Variants in ADAMTSL1 observed in about 807,000 individuals in gnomAD.
ADAMTSL1 encodes the protein ADAMTS-like protein 1.
In ADAMTSL1, 126 loss-of-function variants were observed where a neutral mutation model predicts 201.8. The observed-to-expected ratio is 0.62, with a 90% confidence interval of 0.54 to 0.72. The LOEUF is 0.72. Ranked by LOEUF, ADAMTSL1 falls within the 30% of genes least tolerant of loss-of-function variation. ADAMTSL1 has a pLI of 0.00. For synonymous variants in ADAMTSL1, 1,121 were observed against 903.4 expected, an observed-to-expected ratio of 1.24 and a Z score of -4.32; for missense variants, 2,679 against 2,277.8, an observed-to-expected ratio of 1.18 and a Z score of -3.59.
intron 2 of ADAMTSL1, among the ~76,000 whole-genome samples, chr9:18,426,669 C>T (rs757692394): frequency 6.6e-6 from 1 of 152,028 alleles, no homozygotes; most frequent in Non-Finnish European, 1.5e-5. Context: ...AGGGACATAG[C>T]TCTGAGCCCG....
chr9:18,128,603 G>A (rs1825830860), intron 1 of ADAMTSL1, among the ~76,000 whole-genome samples: 1 of 152,094 alleles, frequency 6.6e-6, no homozygotes, highest in Non-Finnish European at 1.5e-5. Context: ...GAGCCACAGT[G>A]CCTGGCCCGA....
chr9:17,950,409 C>T (rs1315007742), intron 1 of ADAMTSL1, among the ~76,000 whole-genome samples: 8 of 151,896 alleles, frequency 5.3e-5, no homozygotes. Context: ...TTTCCAAATC[C>T]TATTCCCATC....
At chr9:18,586,157 T>C (rs906399537) in intron 4 of ADAMTSL1, among the ~76,000 whole-genome samples, 1 of 152,196 alleles carries the variant, frequency 6.6e-6, no homozygotes, top group African/African-American at 2.4e-5. Flanking sequence ...CTATCTCTGT[T>C]TGCAGACAAC....
intron 2 of ADAMTSL1, among the ~76,000 whole-genome samples, chr9:18,292,431 G>A (rs1296884442): frequency 1.3e-5 from 2 of 152,150 alleles, no homozygotes; most frequent in African/African-American, 4.8e-5. Context: ...GATTAATATT[G>A]AGCGTCAACT....
At chr9:18,780,821 T>C (rs1238493033) in intron 19 of ADAMTSL1, among the ~76,000 whole-genome samples, 5 of 152,222 alleles carry the variant, frequency 3.3e-5, no homozygotes, top group Admixed American at 2.6e-4. Flanking sequence ...CTATATTACC[T>C]TTTTTAACAG....
chr9:18,880,127 C>A (rs1284397482), intron 23 of ADAMTSL1, among the ~76,000 whole-genome samples: 2 of 152,172 alleles, frequency 1.3e-5, no homozygotes, highest in East Asian at 3.8e-4. Flanking sequence ...CTTGTTATTT[C>A]TACCACATCT....
intron 2 of ADAMTSL1, among the ~76,000 whole-genome samples, chr9:18,178,636 C>T (rs1587239528): frequency 6.6e-6 from 1 of 151,350 alleles, no homozygotes; most frequent in Non-Finnish European, 1.5e-5. Context: ...TGTCTGACAG[C>T]TTTGAAGAGA....
At chr9:18,639,122 T>G in intron 6 of ADAMTSL1, 132 bp from the exon 7 acceptor site, 1 of 802,270 alleles carries the variant, frequency 1.2e-6, no homozygotes, top group Non-Finnish European at 2.0e-6. Flanking sequence ...ATATCACAAT[T>G]TCAATTTTGT....
chr9:18,064,954 A>ATTTTTTTT lies in ADAMTSL1; in HGVS notation c.88-98881_88-98874dup, dbSNP rs563021690. Among the ~76,000 whole-genome samples the ATTTTTTTT allele has an allele frequency of 5.7e-4, 39 of 69,008 alleles. 1 individual carries two copies. The highest frequency in any genetic ancestry group is 1.5e-3 in the South Asian group (2 of 1,308). The allele number at this position is 69,008 out of a possible 152,430, so 45.3% of individuals were successfully genotyped here. On this transcript the variant is annotated intron_variant, in intron 1 of 29. Transcript: ENST00000680146. ...ATTCAGAAAGCAGTATTTGCTAAAG[A>ATTTTTTTT]TTTTTTTTTTTTTTTTTTTTTTTTT...
intron 13 of ADAMTSL1, among the ~76,000 whole-genome samples, chr9:18,692,047 T>C (rs1222047451): frequency 6.6e-6 from 1 of 152,188 alleles, no homozygotes; most frequent in Non-Finnish European, 1.5e-5. Flanking sequence ...CAACAATATT[T>C]AACTCAAAAC....
chr9:18,107,908 C>A (rs1024595360), intron 1 of ADAMTSL1, among the ~76,000 whole-genome samples: 2 of 152,114 alleles, frequency 1.3e-5, no homozygotes, highest in Middle Eastern at 3.2e-3. Context: ...CGTGCTGAGC[C>A]CTCCAGCACA....
chr9:18,244,243 A>G (rs1587385813), intron 2 of ADAMTSL1, among the ~76,000 whole-genome samples: 1 of 152,194 alleles, frequency 6.6e-6, no homozygotes, highest in East Asian at 1.9e-4. Context: ...AGAGAATGGC[A>G]GCCTGTCTGG....
At chr9:18,606,228 C>CATTGAAAA (rs1825004240) in intron 4 of ADAMTSL1, among the ~76,000 whole-genome samples, 1 of 152,084 alleles carries the variant, frequency 6.6e-6, no homozygotes, top group African/African-American at 2.4e-5. Context: ...TGAAGCCAAG[C>CATTGAAAA]TATAGGCAAG....
In ADAMTSL1 at chr9:18,071,276, G is replaced by C. The variant is rs572218943; in HGVS notation, c.88-92586G>C. Reference sequence around the variant, plus strand: ...ATGTTTTTGGTTCAAAAAAATTAAAGGTTTGGTCACTTCAGAGCATATCTA... The same window carrying C: ...ATGTTTTTGGTTCAAAAAAATTAAACGTTTGGTCACTTCAGAGCATATCTA... On this transcript the variant is annotated intron_variant, in intron 1 of 29. Coordinates refer to the ADAMTSL1 transcript ENST00000680146. Among the ~76,000 whole-genome samples the C allele has an allele frequency of 5.3e-5, 8 of 152,268 alleles. No individual in the cohort carries two copies. In the South Asian group the frequency reaches 1.7e-3, roughly 32 times the overall value.
intron 4 of ADAMTSL1, among the ~76,000 whole-genome samples, chr9:18,607,184 C>T (rs1160028429): frequency 7.9e-5 from 12 of 152,154 alleles, no homozygotes. Flanking sequence ...ATGTGTTCAT[C>T]TCCCCTTTGA....
chr9:18,283,607 TA>T lies in ADAMTSL1; in HGVS notation c.207+119649del, dbSNP rs34012085. ...GTTGAAGGAATGAGAAACTGTATCT[TA>T]AAAAAAAAAAAAAAAAAAAAAAGGC... On this transcript the variant is annotated intron_variant, in intron 2 of 29. Coordinates refer to the ADAMTSL1 transcript ENST00000680146. Among the ~76,000 whole-genome samples, 398 of 60,760 alleles carry T rather than the reference TA, an allele frequency of 6.6e-3. 1 individual carries two copies. The highest frequency in any genetic ancestry group is 8.1e-3 in the Non-Finnish European group (290 of 35,810). The allele number at this position is 60,760 out of a possible 152,430, so 39.9% of individuals were successfully genotyped here. A position where few individuals can be genotyped will look rare whatever the true frequency, so the allele number is the denominator to read the frequency against.
chr9:18,508,175 C>A (rs958569817), intron 2 of ADAMTSL1, among the ~76,000 whole-genome samples: 2 of 150,098 alleles, frequency 1.3e-5, no homozygotes, highest in African/African-American at 4.9e-5. Flanking sequence ...ACGAGCGAAA[C>A]TCCGTCTCAA....
At chr9:17,963,860 T>A (rs932962010) in intron 1 of ADAMTSL1, among the ~76,000 whole-genome samples, 18 of 152,264 alleles carry the variant, frequency 1.2e-4, no homozygotes, top group African/African-American at 4.3e-4. Flanking sequence ...AGAGCCAAAT[T>A]TTTTAAAAAC....
intron 2 of ADAMTSL1, among the ~76,000 whole-genome samples, chr9:18,170,666 A>C (rs1481244874): frequency 6.6e-6 from 1 of 152,036 alleles, no homozygotes; most frequent in Non-Finnish European, 1.5e-5. Context: ...GAGAAAGAAA[A>C]AGCCTGGATT....
Sources: allele counts gnomAD v4.1 joint callset (sites outside exome capture counted in the v4.1 genomes callset), GRCh38; gene constraint gnomAD v4.1.1; transcripts MANE v1.5; gene names NCBI Gene and HGNC (gene_info 2026-07-23, HGNC 2026-07-21).